Variants in ZNF487 observed in about 807,000 individuals in gnomAD.
ZNF487 encodes zinc finger protein 487.
A neutral mutation model predicts 3.0 loss-of-function variants in ZNF487; 4 were observed. The observed-to-expected ratio is 1.35, with a 90% confidence interval of 0.66 to 3.08. ZNF487 has a LOEUF of 3.08. ZNF487 is among the 30% of genes most tolerant of loss of function. The pLI is 0.01. For missense variants in ZNF487, 146 were observed against 98.7 expected (o/e 1.48, Z -2.03); for synonymous variants, 55 against 34.6 (o/e 1.59, Z -2.06).
At chr10:43,453,860 G>T (rs751394148) in intron 1 of ZNF487, 1 of 152,082 alleles carries the variant, frequency 6.6e-6, no homozygotes, top group African/African-American at 2.4e-5. Flanking sequence ...ACTGAAATTC[G>T]TGCATATCAG....
At chr10:43,494,889 A>C in the ZNF487 span, among the ~76,000 whole-genome samples, 207 of 148,644 alleles carry the variant, frequency 1.4e-3, 1 homozygote, top group Middle Eastern at 3.4e-3. Context: ...GTGAGCCGAG[A>C]TCACACCACT....
chr10:43,463,831 C>T (rs1489280775), intron 1 of ZNF487, among the ~76,000 whole-genome samples: 4 of 149,118 alleles, frequency 2.7e-5, no homozygotes, highest in Admixed American at 1.4e-4. Context: ...TCTGTGATTT[C>T]TGTTATTATT....
chr10:43,520,608 A>G, the ZNF487 span, among the ~76,000 whole-genome samples: 1 of 152,274 alleles, frequency 6.6e-6, no homozygotes, highest in East Asian at 1.9e-4. Context: ...AAAGTTAAAC[A>G]GTTAGAAAGA....
At position 43,481,750 on chromosome 10, in the gene ZNF487, C is replaced by G. The variant is rs1291935122; in HGVS notation, c.452C>G (p.Pro151Arg). Residue 151 changes from proline to arginine, a missense_variant, in exon 4 of 4, where the codon CCT becomes CGT. Coordinates refer to ENST00000437590, the MANE Select transcript of ZNF487 (RefSeq NM_001355444.3). The part of the protein sequence containing the change: ...KRENPYARGK[P>R]LEYDGNGKAV... ...GAGAATCCTTATGCCAGAGGGAAAC[C>G]TTTGGAATATGATGGAAATGGGAAA... The G allele has an allele frequency of 5.6e-6, 4 of 715,658 alleles. No homozygotes were observed. The highest frequency in any genetic ancestry group is 2.0e-5 in the Admixed American group (1 of 49,980). The allele number at this position is 715,658 out of a possible 1,614,324, so 44.3% of individuals were successfully genotyped here. A position where few individuals can be genotyped will look rare whatever the true frequency, so the allele number is the denominator to read the frequency against.
At chr10:43,499,127 T>TC in the ZNF487 span, among the ~76,000 whole-genome samples, 8 of 152,150 alleles carry the variant, frequency 5.3e-5, no homozygotes, top group Non-Finnish European at 1.2e-4. Flanking sequence ...CATGGTAAAA[T>TC]TTAATGAACA....
At chr10:43,496,786 C>T in the ZNF487 span, among the ~76,000 whole-genome samples, 8 of 152,262 alleles carry the variant, frequency 5.3e-5, no homozygotes, top group South Asian at 1.2e-3. Context: ...TGTCACGTTA[C>T]ATCCTCACAT....
intron 1 of ZNF487, among the ~76,000 whole-genome samples, chr10:43,450,395 C>T (rs1409830258): frequency 6.6e-6 from 1 of 151,380 alleles, no homozygotes; most frequent in African/African-American, 2.4e-5. Flanking sequence ...CTCTGTTGCC[C>T]AGGCTGGAGT....
chr10:43,459,768 TTTATTA>T (rs71016770), intron 1 of ZNF487, among the ~76,000 whole-genome samples: 11,571 of 138,236 alleles, frequency 0.084, 546 homozygotes, highest in Admixed American at 0.15. Flanking sequence ...AGGCTGTGAG[TTTATTA>T]TTATTATTAT....
At chr10:43,507,266 G>C in the ZNF487 span, among the ~76,000 whole-genome samples, 130 of 152,280 alleles carry the variant, frequency 8.5e-4, no homozygotes, top group African/African-American at 3.0e-3. Flanking sequence ...CTACCTGGGG[G>C]AGCTATACAG....
At chr10:43,453,088 G>A (rs1196199987) in intron 1 of ZNF487, 4 of 152,100 alleles carry the variant, frequency 2.6e-5, no homozygotes, top group African/African-American at 4.8e-5. Flanking sequence ...AGGGACCAGT[G>A]TAAATGTGAT....
intron 1 of ZNF487, among the ~76,000 whole-genome samples, chr10:43,456,804 C>T (rs1392122907): frequency 6.6e-6 from 1 of 152,152 alleles, no homozygotes; most frequent in Admixed American, 6.5e-5. Context: ...TGGTCTTGAA[C>T]TCCTGACCTC....
chr10:43,521,827 A>T, the ZNF487 span, among the ~76,000 whole-genome samples: 2 of 151,916 alleles, frequency 1.3e-5, no homozygotes, highest in Non-Finnish European at 2.9e-5. Context: ...TGGTTAAAAA[A>T]TTATATATGT....
chr10:43,479,605 A>G (rs528550184), intron 3 of ZNF487, among the ~76,000 whole-genome samples: 79 of 151,986 alleles, frequency 5.2e-4, no homozygotes, highest in African/African-American at 1.8e-3. Context: ...GCCTGGAGAA[A>G]CCTTATTTGT....
the ZNF487 span, chr10:43,495,989 A>T: frequency 1.6e-3 from 862 of 525,284 alleles, 6 homozygotes; most frequent in African/African-American, 0.015. Flanking sequence ...TAGTCACTGT[A>T]AAATGAACAC....
At chr10:43,441,767 A>G (rs1839620970) in intron 1 of ZNF487, among the ~76,000 whole-genome samples, 2 of 151,696 alleles carry the variant, frequency 1.3e-5, no homozygotes, top group Admixed American at 1.3e-4. Context: ...TTGTATTTCT[A>G]GTTGAGACGG....
chr10:43,494,452 G>T, the ZNF487 span, among the ~76,000 whole-genome samples: 1 of 152,100 alleles, frequency 6.6e-6, no homozygotes, highest in East Asian at 1.9e-4. Flanking sequence ...CTGAATGTGG[G>T]TGGTCATCCT....
chr10:43,479,436 A>G (rs552651349), intron 3 of ZNF487, among the ~76,000 whole-genome samples: 7 of 152,236 alleles, frequency 4.6e-5, no homozygotes, highest in Admixed American at 2.0e-4. Context: ...TTACTCATCA[A>G]TTATGTCCAA....
chr10:43,508,713 G>A, the ZNF487 span, among the ~76,000 whole-genome samples: 1 of 152,116 alleles, frequency 6.6e-6, no homozygotes, highest in South Asian at 2.1e-4. Context: ...AGGTGTAGTG[G>A]TGCATGCCTG....
chr10:43,478,188 C>A (rs1414290624), intron 3 of ZNF487, among the ~76,000 whole-genome samples: 1 of 152,060 alleles, frequency 6.6e-6, no homozygotes, highest in Admixed American at 6.6e-5. Context: ...GGGAGACCAA[C>A]CCAAGAGGAT....
Sources: allele counts gnomAD v4.1 joint callset (sites outside exome capture counted in the v4.1 genomes callset), GRCh38; gene constraint gnomAD v4.1.1; transcripts MANE v1.5; gene names NCBI Gene and HGNC (gene_info 2026-07-23, HGNC 2026-07-21).